The following MARCHF1 variants were observed in gnomAD, a reference collection of about 807,000 sequenced individuals.
MARCHF1 encodes the protein E3 ubiquitin-protein ligase MARCHF1.
Under a neutral mutation model 54.2 loss-of-function variants are expected in MARCHF1, and 40 were observed. The observed-to-expected ratio is 0.74, with a 90% CI of 0.57 to 0.96. The LOEUF is 0.96. MARCHF1 is among the 40% of genes least tolerant of loss of function. The pLI is 0.00. For missense variants in MARCHF1, 586 were observed against 656.5 expected (o/e 0.89, Z 1.17); for synonymous variants, 236 against 236.3 (o/e 1.00, Z 0.01).
intron 1 of MARCHF1, among the ~76,000 whole-genome samples, chr4:164,380,684 C>T (rs964065296): frequency 1.1e-4 from 16 of 152,160 alleles, no homozygotes; most frequent in Non-Finnish European, 2.4e-4. Context: ...TTTTAACCCT[C>T]TAAATATTAG....
In MARCHF1 at chr4:164,070,609, C is replaced by A. The variant is rs377138778; in HGVS notation, c.-248+40979G>T. 4.6e-5 allele frequency among the ~76,000 whole-genome samples: 7 copies of A among 152,240 alleles called. No homozygotes were observed. In the East Asian group the frequency reaches 1.2e-3, roughly 25 times the overall value. ...CCTTTCCCTCTGAAAAGTATCCCAG[C>A]TTAGATGATAAATTACATGCTCAAC... On this transcript the variant is annotated intron_variant, in intron 2 of 9. Coordinates refer to ENST00000514618, the MANE Select transcript of MARCHF1 (RefSeq NM_001394959.1).
At chr4:163,593,016 T>C (rs7693970) in intron 7 of MARCHF1, among the ~76,000 whole-genome samples, 43,253 of 151,954 alleles carry the variant, frequency 0.28, 7,036 homozygotes, top group Middle Eastern at 0.39. Flanking sequence ...GATAATCCCT[T>C]CCCTGTTAAC....
chr4:163,610,088 C>A (rs1741283168), intron 7 of MARCHF1, among the ~76,000 whole-genome samples: 1 of 151,990 alleles, frequency 6.6e-6, no homozygotes, highest in Non-Finnish European at 1.5e-5. Flanking sequence ...TTTTTCTCAG[C>A]CCCAGTACCT....
intron 9 of MARCHF1, among the ~76,000 whole-genome samples, chr4:163,538,684 A>T (rs897366420): frequency 3.9e-5 from 6 of 152,202 alleles, no homozygotes; most frequent in African/African-American, 1.4e-4. Context: ...TATTCCGAAG[A>T]ACCCTATTCC....
intron 1 of MARCHF1, among the ~76,000 whole-genome samples, chr4:164,132,512 A>C (rs1412548271): frequency 6.6e-6 from 1 of 152,138 alleles, no homozygotes; most frequent in Non-Finnish European, 1.5e-5. Context: ...ACCTTGACCC[A>C]CTATTAGTGA....
chr4:164,321,839 G>A (rs1579719265), intron 1 of MARCHF1, among the ~76,000 whole-genome samples: 1 of 152,056 alleles, frequency 6.6e-6, no homozygotes, highest in East Asian at 1.9e-4. Context: ...ATGTACTAGT[G>A]TAATCTAATA....
At chr4:164,224,006 CTT>C (rs773690030) in intron 1 of MARCHF1, among the ~76,000 whole-genome samples, 6 of 149,126 alleles carry the variant, frequency 4.0e-5, no homozygotes, top group Non-Finnish European at 5.9e-5. Context: ...AAATTTTAGT[CTT>C]GCCTCCTTAC....
At chr4:163,656,769 G>A (rs1743160326) in intron 5 of MARCHF1, among the ~76,000 whole-genome samples, 1 of 151,970 alleles carries the variant, frequency 6.6e-6, no homozygotes. Flanking sequence ...ATCAATAAAT[G>A]TAATTCATCA....
intron 2 of MARCHF1, among the ~76,000 whole-genome samples, chr4:164,049,232 C>T (rs961327929): frequency 6.6e-6 from 1 of 152,202 alleles, no homozygotes; most frequent in Non-Finnish European, 1.5e-5. Context: ...CAAGGAAGTG[C>T]CACACTTAAA....
chr4:163,787,029 A>C (rs1747641464), intron 4 of MARCHF1, among the ~76,000 whole-genome samples: 1 of 151,976 alleles, frequency 6.6e-6, no homozygotes, highest in Non-Finnish European at 1.5e-5. Context: ...ATATCCATTT[A>C]CAAAAGAGTG....
intron 2 of MARCHF1, among the ~76,000 whole-genome samples, chr4:164,028,208 T>C (rs980661759): frequency 6.6e-6 from 1 of 152,174 alleles, no homozygotes; most frequent in Non-Finnish European, 1.5e-5. Context: ...TGACCTAGAA[T>C]TCCCATTATT....
chr4:163,628,762 A>T (rs1560983683), intron 5 of MARCHF1, among the ~76,000 whole-genome samples: 1 of 152,198 alleles, frequency 6.6e-6, no homozygotes, highest in Non-Finnish European at 1.5e-5. Flanking sequence ...TAACAGACAA[A>T]CAGAGAGAGC....
At chr4:164,129,531 G>A (rs1313517641) in intron 1 of MARCHF1, among the ~76,000 whole-genome samples, 1 of 152,022 alleles carries the variant, frequency 6.6e-6, no homozygotes. Flanking sequence ...AAAAGGGATG[G>A]CATAGTCTCA....
In MARCHF1 at chr4:163,526,918, A is replaced by G. The variant is rs1240934712; in HGVS notation, c.*1830T>C. ...CTATCTGGACTCAGTGTCAGCCACT[A>G]CTAATATTTATACCATCTTTCTCCT... On this transcript the variant is annotated 3_prime_UTR_variant, in exon 10 of 10. Coordinates refer to ENST00000514618, the MANE Select transcript of MARCHF1 (RefSeq NM_001394959.1). The G allele has an allele frequency of 6.6e-6, 1 of 151,760 alleles. No individual in the cohort carries two copies. Among genetic ancestry groups the G allele is most frequent in the Non-Finnish European group, 1.5e-5 (1 of 67,852 alleles). The allele number at this position is 151,760 out of a possible 1,614,324, so 9.4% of individuals were successfully genotyped here.
intron 5 of MARCHF1, among the ~76,000 whole-genome samples, chr4:163,673,665 A>C (rs1215018840): frequency 6.6e-6 from 1 of 152,172 alleles, no homozygotes; most frequent in African/African-American, 2.4e-5. Context: ...ATAAATTAAT[A>C]AGTAGCTTAT....
chr4:163,790,538 A>G (rs1747746464), intron 4 of MARCHF1, among the ~76,000 whole-genome samples: 1 of 152,144 alleles, frequency 6.6e-6, no homozygotes, highest in Admixed American at 6.6e-5. Context: ...CAAAGACCTG[A>G]AGCCACCTGC....
intron 4 of MARCHF1, among the ~76,000 whole-genome samples, chr4:163,832,822 G>A (rs761454610): frequency 4.7e-5 from 4 of 85,134 alleles, no homozygotes; most frequent in South Asian, 1.0e-3. Context: ...TCCCACCTAC[G>A]AGTGAGAACA....
intron 1 of MARCHF1, among the ~76,000 whole-genome samples, chr4:164,141,952 C>G (rs1355155199): frequency 1.3e-5 from 2 of 152,152 alleles, no homozygotes; most frequent in East Asian, 3.9e-4. Flanking sequence ...GGGCGCAGGT[C>G]AGTGGGTGGG....
chr4:163,654,657 T>C (rs1475706862), intron 5 of MARCHF1, among the ~76,000 whole-genome samples: 1 of 151,712 alleles, frequency 6.6e-6, no homozygotes, highest in Non-Finnish European at 1.5e-5. Context: ...CTGATATTAG[T>C]ATATCAACTC....
Sources: allele counts gnomAD v4.1 joint callset (sites outside exome capture counted in the v4.1 genomes callset), GRCh38; gene constraint gnomAD v4.1.1; transcripts MANE v1.5; gene names NCBI Gene and HGNC (gene_info 2026-07-23, HGNC 2026-07-21).